Variants in ANKRD44 observed in about 807,000 individuals in gnomAD.
ANKRD44 encodes the protein serine/threonine-protein phosphatase 6 regulatory ankyrin repeat subunit B.
Under a neutral mutation model 116.0 loss-of-function variants are expected in ANKRD44, and 35 were observed. That is an observed-to-expected ratio of 0.30 (90% CI 0.23 to 0.40). The LOEUF is 0.40. Among genes scored for constraint, ANKRD44 ranks in the 10% least tolerant of loss-of-function variants. ANKRD44 has a pLI of 1.00. For missense variants in ANKRD44, 1,014 were observed against 1,242.6 expected, an observed-to-expected ratio of 0.82 and a Z score of 2.77; for synonymous variants, 435 against 461.8, an observed-to-expected ratio of 0.94 and a Z score of 0.74.
intron 4 of ANKRD44, chr2:197,134,347 CA>C (rs1431877349): frequency 2.6e-5 from 4 of 152,112 alleles, no homozygotes; most frequent in Admixed American, 6.5e-5. Context: ...ATTTACAGTT[CA>C]GGGTTTGTTT....
At chr2:197,149,575 A>G (rs759226016) in intron 2 of ANKRD44, among the ~76,000 whole-genome samples, 1 of 152,238 alleles carries the variant, frequency 6.6e-6, no homozygotes, top group Admixed American at 6.5e-5. Flanking sequence ...CATGGCACAG[A>G]CAGGTAACTG....
At position 197,130,694 on chromosome 2, in the gene ANKRD44, G is replaced by A. The variant is rs372996270; in HGVS notation, c.262-4657C>T. On this transcript the variant is annotated intron_variant, in intron 4 of 27. Coordinates refer to ENST00000282272, the MANE Select transcript of ANKRD44 (RefSeq NM_001195144.2). ...CACATGAACAACTTTTTATAATCAC[G>A]AAGATAATTTAAAGAAAACAATAAC... is the stretch of plus-strand genomic sequence containing the variant. Among the ~76,000 whole-genome samples the A allele has an allele frequency of 1.9e-3, 288 of 152,178 alleles. 1 individual carries two copies. Among genetic ancestry groups the A allele is most frequent in the African/African-American group, 6.4e-3 (267 of 41,490 alleles).
Position 197,276,030 on chromosome 2 carries a change from C to T in ANKRD44, c.27+34548G>A, listed in dbSNP as rs1033152320. ...GTGGCTCACGCCTGTAATCCCAGCA[C>T]TTTGGGAGGCCAAGGTGGGCAAATC... On this transcript the variant is annotated intron_variant, in intron 1 of 27. Transcript: ENST00000282272. 2.6e-5 allele frequency among the ~76,000 whole-genome samples: 4 copies of T among 152,074 alleles called. No homozygotes were observed. The East Asian group carries it at 7.7e-4, about 29-fold the overall frequency.
chr2:197,309,816 G>A (rs934644188), intron 1 of ANKRD44, among the ~76,000 whole-genome samples: 1 of 152,124 alleles, frequency 6.6e-6, no homozygotes, highest in Non-Finnish European at 1.5e-5. Flanking sequence ...ACAGACCTGC[G>A]GCGAGGACTG....
At chr2:197,250,098 A>T (rs989226619) in intron 1 of ANKRD44, among the ~76,000 whole-genome samples, 11 of 152,234 alleles carry the variant, frequency 7.2e-5, no homozygotes, top group Non-Finnish European at 1.3e-4. Flanking sequence ...CTCTAGAGGT[A>T]GGTGGTCCTA....
chr2:197,191,683 C>G (rs1188040806), intron 1 of ANKRD44, among the ~76,000 whole-genome samples: 1 of 152,080 alleles, frequency 6.6e-6, no homozygotes, highest in Non-Finnish European at 1.5e-5. Context: ...AGCAAAGGTT[C>G]AGGATGTGTA....
In ANKRD44 at chr2:197,018,935, CTTAG is replaced by C. The variant is rs559411277; in HGVS notation, c.1723-5227_1723-5224del. Among the ~76,000 whole-genome samples the C allele has an allele frequency of 5.7e-3, 870 of 152,248 alleles. 4 individuals are homozygous for C. The highest frequency in any genetic ancestry group is 9.3e-3 in the Non-Finnish European group (635 of 68,018). ...ATGTTAATTAACTTGTCCAAGATCA[CTTAG>C]TTAGTAAGTGACAAAATCAGGATTC... On this transcript the variant is annotated intron_variant, in intron 17 of 27. Coordinates refer to ENST00000282272, the MANE Select transcript of ANKRD44 (RefSeq NM_001195144.2).
intron 2 of ANKRD44, among the ~76,000 whole-genome samples, chr2:197,154,306 A>G (rs1027954319): frequency 2.0e-5 from 3 of 150,798 alleles, no homozygotes; most frequent in Admixed American, 1.3e-4. Flanking sequence ...CAGCCTCCCA[A>G]GTAGCTGGGA....
rs188008217 is a variant in ANKRD44 at position 197,118,148 on chromosome 2, G to T, written c.906+3184C>A. The stretch of plus-strand genomic sequence containing the variant: ...GGATGGCTTGAGCCTGGGAGGCAGA[G>T]GTTGCAGTGAGCCAAGATCCCACCA... On this transcript the variant is annotated intron_variant, in intron 8 of 27. Coordinates refer to ENST00000282272, the MANE Select transcript of ANKRD44 (RefSeq NM_001195144.2). 3.8e-3 allele frequency among the ~76,000 whole-genome samples: 569 copies of T among 150,930 alleles called. 5 individuals carry two copies. Among genetic ancestry groups the T allele is most frequent in the African/African-American group, 0.013 (531 of 40,960 alleles).
At chr2:197,173,316 A>G (rs1340400989) in intron 2 of ANKRD44, among the ~76,000 whole-genome samples, 1 of 152,194 alleles carries the variant, frequency 6.6e-6, no homozygotes, top group Non-Finnish European at 1.5e-5. Context: ...ATCACAAAAT[A>G]TTCAAAACCC....
At position 196,989,308 on chromosome 2, in the gene ANKRD44, C is replaced by T. The variant is rs997360043; in HGVS notation, c.*283G>A. ...AAAAAAAAAAAGGTCAGCACATCAT[C>T]AGTTACAAATGTTAAGTGGTCAACT... is the stretch of plus-strand genomic sequence containing the variant. On this transcript the variant is annotated 3_prime_UTR_variant, in exon 28 of 28. Coordinates refer to ENST00000282272, the MANE Select transcript of ANKRD44 (RefSeq NM_001195144.2). The T allele has an allele frequency of 2.0e-6, 2 of 1,000,796 alleles. No homozygotes were observed. The highest frequency in any genetic ancestry group is 1.7e-5 in the African/African-American group (1 of 57,404). The allele number at this position is 1,000,796 out of a possible 1,614,324, so 62.0% of individuals were successfully genotyped here.
intron 2 of ANKRD44, among the ~76,000 whole-genome samples, chr2:197,160,043 GAC>G (rs144708469): frequency 6.6e-6 from 1 of 151,284 alleles, no homozygotes; most frequent in Admixed American, 6.6e-5. Flanking sequence ...CTATATGATA[GAC>G]ACACACACAC....
At position 197,019,237 on chromosome 2, in the gene ANKRD44, C is replaced by T. The variant is rs2076449743; in HGVS notation, c.1723-5525G>A. On this transcript the variant is annotated intron_variant, in intron 17 of 27. Transcript: ENST00000282272. ...GACTAACCTTTAGACTCTTGCTCTT[C>T]TACTACACACAATGCCTGGCTTGAG... Among the ~76,000 whole-genome samples, 3 of 152,198 alleles carry T rather than the reference C, an allele frequency of 2.0e-5. No individual in the cohort carries two copies. The South Asian group carries it at 6.2e-4, about 32-fold the overall frequency.
chr2:197,303,701 T>C (rs2083981179), intron 1 of ANKRD44, among the ~76,000 whole-genome samples: 1 of 152,226 alleles, frequency 6.6e-6, no homozygotes, highest in Non-Finnish European at 1.5e-5. Flanking sequence ...AACCAAGAAA[T>C]GCAAACAATT....
At chr2:197,114,765 C>T (rs1026734670) in intron 8 of ANKRD44, among the ~76,000 whole-genome samples, 4 of 152,162 alleles carry the variant, frequency 2.6e-5, no homozygotes, top group Admixed American at 1.3e-4. Context: ...GTCCAACCTG[C>T]GGTTAGGGGT....
Position 197,248,341 on chromosome 2 carries a change from T to C in ANKRD44, c.28-61235A>G, listed in dbSNP as rs374869319. On this transcript the variant is annotated intron_variant, in intron 1 of 27. Coordinates refer to ENST00000282272, the MANE Select transcript of ANKRD44 (RefSeq NM_001195144.2). ...AGACGGACTTCTCCAGCAGACTGCCTTGGGAGTGGAACAGCATCATCAGCT... is the reference window on the plus strand; with the variant it reads ...AGACGGACTTCTCCAGCAGACTGCCCTGGGAGTGGAACAGCATCATCAGCT... Among the ~76,000 whole-genome samples the C allele has an allele frequency of 1.4e-4, 22 of 152,148 alleles. No homozygotes were observed. In the East Asian group the frequency reaches 3.5e-3, roughly 24 times the overall value.
intron 18 of ANKRD44, among the ~76,000 whole-genome samples, chr2:197,010,718 T>G (rs925306393): frequency 6.6e-6 from 1 of 152,228 alleles, no homozygotes; most frequent in Admixed American, 6.5e-5. Flanking sequence ...AAATGTGACC[T>G]TCTCTCCTCT....
chr2:197,027,247 A>G (rs2076612599), intron 16 of ANKRD44, among the ~76,000 whole-genome samples: 1 of 152,152 alleles, frequency 6.6e-6, no homozygotes, highest in African/African-American at 2.4e-5. Flanking sequence ...CTGTAGTCCC[A>G]GATACTTAGG....
intron 9 of ANKRD44, among the ~76,000 whole-genome samples, chr2:197,104,074 G>T (rs1251644086): frequency 6.6e-6 from 1 of 152,168 alleles, no homozygotes; most frequent in Non-Finnish European, 1.5e-5. Flanking sequence ...ACACAGGAAT[G>T]AACATATTTA....
Sources: gnomAD v4.1 joint callset for allele counts (sites outside exome capture counted in the v4.1 genomes callset) on GRCh38, gnomAD v4.1.1 for gene constraint, MANE v1.5 for transcripts, NCBI Gene and HGNC (gene_info 2026-07-23, HGNC 2026-07-21) for gene names.